Variants in SAP130 observed in about 807,000 individuals in gnomAD.
The protein encoded by SAP130 is Sin3A associated protein 130.
In SAP130, 16 loss-of-function variants were observed where a neutral mutation model predicts 103.2. That is an observed-to-expected ratio of 0.16 (90% CI 0.10 to 0.24). The LOEUF is 0.24. SAP130 is among the 10% of genes least tolerant of loss of function. The pLI, the probability that SAP130 is intolerant of heterozygous loss-of-function variation, is 1.00. For synonymous variants in SAP130, 477 were observed against 497.0 expected (o/e 0.96, Z 0.53); for missense variants, 990 against 1,359.7 (o/e 0.73, Z 4.28).
rs780524153 is a variant in SAP130, at chr2:127,955,304, G to A, written c.2104C>T (p.Pro702Ser). 1.9e-6 allele frequency: 3 copies of A among 1,600,804 alleles called. No individual in the cohort carries two copies. Among genetic ancestry groups the A allele is most frequent in the Non-Finnish European group, 2.6e-6 (3 of 1,170,046 alleles). Residue 702 changes from proline to serine, a missense_variant, in exon 16 of 21, where the codon CCG becomes TCG. Coordinates refer to ENST00000643581, the MANE Select transcript of SAP130 (RefSeq NM_001330301.2). This position sits in a 1 kb window ranked among gnomAD's most constrained non-coding sequence, Gnocchi z 4.9. Reference protein sequence around the residue: ...KSEIHVSMATPVTVSMETVSN... With the variant: ...KSEIHVSMATSVTVSMETVSN... ...ACAGTCTCCATGGACACAGTGACCG[G>A]AGTGGCCATAGACACGTGGATTTCA...
intron 18 of SAP130, among the ~76,000 whole-genome samples, chr2:127,946,042 A>T (rs1489140007): frequency 6.6e-6 from 1 of 152,146 alleles, no homozygotes; most frequent in Non-Finnish European, 1.5e-5. Context: ...CTTTACCTCC[A>T]CTAAGTGCTA....
chr2:128,007,527 T>C (rs1203812163), intron 7 of SAP130, among the ~76,000 whole-genome samples: 1 of 152,220 alleles, frequency 6.6e-6, no homozygotes, highest in African/African-American at 2.4e-5. Context: ...CATTAACTTT[T>C]ATAAAGTTAA....
intron 15 of SAP130, among the ~76,000 whole-genome samples, chr2:127,966,300 G>A (rs1241590199): frequency 1.3e-5 from 2 of 151,992 alleles, no homozygotes; most frequent in Non-Finnish European, 1.5e-5. Flanking sequence ...AGCCGAGATC[G>A]TGCCATTGTA....
At chr2:127,994,824 T>C (rs1181653851) in intron 11 of SAP130, among the ~76,000 whole-genome samples, 1 of 152,220 alleles carries the variant, frequency 6.6e-6, no homozygotes, top group Non-Finnish European at 1.5e-5. Context: ...ACTGTCCTTA[T>C]TTGTAGGCAA....
At chr2:127,965,062 C>A (rs895311250) in intron 15 of SAP130, among the ~76,000 whole-genome samples, 3 of 146,766 alleles carry the variant, frequency 2.0e-5, no homozygotes, top group Admixed American at 6.9e-5. Flanking sequence ...TTTGGGAGGC[C>A]AAGGTGGGCA....
rs1679597853 is a variant in SAP130, at chr2:127,953,018, TC to T, written c.2422+1967del. Among the ~76,000 whole-genome samples, 1 of 152,216 alleles carries T rather than the reference TC, an allele frequency of 6.6e-6. No individual in the cohort carries two copies. The highest frequency in any genetic ancestry group is 1.5e-5 in the Non-Finnish European group (1 of 68,048). On this transcript the variant is annotated intron_variant, in intron 16 of 20. Coordinates refer to ENST00000643581, the MANE Select transcript of SAP130 (RefSeq NM_001330301.2). The surrounding 1 kb of genome is among the most constrained non-coding windows in gnomAD (Gnocchi z 4.0). Reference sequence around the variant, plus strand: ...TTGTATCTGCAACTTCATTTTCTATTCCAAAAGCCAGCCTCATAGATCCAAC... The same window carrying T: ...TTGTATCTGCAACTTCATTTTCTATTCAAAAGCCAGCCTCATAGATCCAAC...
Position 128,006,748 on chromosome 2 carries a change from C to T in SAP130, c.869+3521G>A, listed in dbSNP as rs139523025. On this transcript the variant is annotated intron_variant, in intron 7 of 20. Coordinates refer to ENST00000643581, the MANE Select transcript of SAP130 (RefSeq NM_001330301.2). Reference sequence around the variant, plus strand: ...TGAGCCGTGATCAAGCCACTGTTCTCCAACCTGGCTGGCGGAGCAAGACGT... The same window carrying T: ...TGAGCCGTGATCAAGCCACTGTTCTTCAACCTGGCTGGCGGAGCAAGACGT... Among the ~76,000 whole-genome samples, 379 of 152,360 alleles carry T rather than the reference C, an allele frequency of 2.5e-3. 3 individuals carry two copies. Among genetic ancestry groups the T allele is most frequent in the African/African-American group, 8.5e-3 (353 of 41,578 alleles).
chr2:127,947,527 GA>G (rs1342930349), intron 18 of SAP130, among the ~76,000 whole-genome samples: 1 of 152,118 alleles, frequency 6.6e-6, no homozygotes, highest in Non-Finnish European at 1.5e-5. Flanking sequence ...TTGATAGCAT[GA>G]AAATATTGGC....
intron 15 of SAP130, among the ~76,000 whole-genome samples, chr2:127,976,157 T>C (rs1681448692): frequency 1.3e-5 from 2 of 152,234 alleles, no homozygotes; most frequent in East Asian, 1.9e-4. Flanking sequence ...GTCATTTTTA[T>C]GTTACTGCAC....
chr2:127,983,832 T>TG (rs1559067864), intron 14 of SAP130, among the ~76,000 whole-genome samples: 7 of 124,602 alleles, frequency 5.6e-5, no homozygotes, highest in African/African-American at 1.9e-4. Context: ...TGTTTTTTTT[T>TG]TTTTTTTTTT....
chr2:127,962,900 A>G (rs1680361673), intron 15 of SAP130, among the ~76,000 whole-genome samples: 1 of 152,118 alleles, frequency 6.6e-6, no homozygotes, highest in Non-Finnish European at 1.5e-5. Context: ...TAAAAAAAAA[A>G]AAGATGACTG....
In SAP130 at chr2:127,986,458, A is replaced by G. The variant is rs1425366751; in HGVS notation, c.1958+327T>C. 6.6e-6 allele frequency among the ~76,000 whole-genome samples: 1 copy of G among 150,458 alleles called. No homozygotes were observed. Among genetic ancestry groups the G allele is most frequent in the Admixed American group, 6.6e-5 (1 of 15,106 alleles). ...GAAGTTTATAGTATGAGTTAAGGTA[A>G]CTACCTACACAAGCCCAAGAGTTAC... On this transcript the variant is annotated intron_variant, in intron 14 of 20. Transcript: ENST00000643581. This position sits in a 1 kb window ranked among gnomAD's most constrained non-coding sequence, Gnocchi z 4.7.
intron 15 of SAP130, among the ~76,000 whole-genome samples, chr2:127,967,400 G>T (rs532498752): frequency 6.6e-6 from 1 of 151,926 alleles, no homozygotes; most frequent in African/African-American, 2.4e-5. Flanking sequence ...AATAGCTGGA[G>T]ATTTCTTTTC....
intron 10 of SAP130, among the ~76,000 whole-genome samples, chr2:127,997,743 G>C (rs1464592974): frequency 6.6e-6 from 1 of 152,176 alleles, no homozygotes; most frequent in Admixed American, 6.5e-5. Flanking sequence ...CCATGTGACA[G>C]AGTAGCTAAC....
At chr2:128,003,804 T>C (rs1165367398) in intron 7 of SAP130, among the ~76,000 whole-genome samples, 4 of 152,042 alleles carry the variant, frequency 2.6e-5, no homozygotes, top group African/African-American at 4.8e-5. Context: ...TTTGGAATTA[T>C]ATACTTACAG....
At chr2:128,009,518 T>C (rs1447504597) in intron 7 of SAP130, among the ~76,000 whole-genome samples, 4 of 152,116 alleles carry the variant, frequency 2.6e-5, no homozygotes, top group African/African-American at 7.2e-5. Flanking sequence ...TCTTTCTACA[T>C]CCATTTTCAT....
chr2:127,995,717 ATTAC>A (rs1477205141), intron 11 of SAP130, among the ~76,000 whole-genome samples: 15 of 152,220 alleles, frequency 9.9e-5, no homozygotes, highest in Non-Finnish European at 1.5e-5. Context: ...TTCCATACAG[ATTAC>A]TTGTTTACAA....
intron 4 of SAP130, among the ~76,000 whole-genome samples, 167 bp downstream of exon 4, chr2:128,016,222 T>C (rs1305400931): frequency 6.6e-6 from 1 of 152,112 alleles, no homozygotes; most frequent in Non-Finnish European, 1.5e-5. Context: ...TTCTACTCCC[T>C]TTACAGTTAT....
chr2:128,007,272 C>G (rs367751988), intron 7 of SAP130, among the ~76,000 whole-genome samples: 1 of 152,172 alleles, frequency 6.6e-6, no homozygotes, highest in Non-Finnish European at 1.5e-5. Flanking sequence ...AAGTACTATA[C>G]GGAATCCACA....
Sources: allele counts gnomAD v4.1 joint callset (sites outside exome capture counted in the v4.1 genomes callset), GRCh38; gene constraint gnomAD v4.1.1; non-coding constraint Gnocchi (gnomAD v3.1); transcripts MANE v1.5; gene names NCBI Gene and HGNC (gene_info 2026-07-23, HGNC 2026-07-21).